The following PCDHA3 variants were observed in gnomAD, a reference collection of about 807,000 sequenced individuals.
The protein encoded by PCDHA3 is protocadherin alpha 3.
PCDHA3 carries 41 observed loss-of-function variants against 62.2 expected under a neutral mutation model. The observed-to-expected ratio is 0.66, with a 90% CI of 0.51 to 0.86. The LOEUF (loss-of-function observed/expected upper bound fraction) is 0.86. PCDHA3 is among the 40% of genes least tolerant of loss of function. The pLI is 0.00. For missense variants in PCDHA3, 1,304 were observed against 1,241.2 expected, an observed-to-expected ratio of 1.05 and a Z score of -0.76; for synonymous variants, 640 against 555.4, an observed-to-expected ratio of 1.15 and a Z score of -2.14.
At position 140,848,366 on chromosome 5, in the gene PCDHA3, G is replaced by A. The variant is rs2150409597; in HGVS notation, c.2394+44775G>A. ...TACAGCCCTTTTCCCATGGGAAAGA[G>A]GCTCAATTCTTTTTCACTCTCTCTG... On this transcript the variant is annotated intron_variant, in intron 1 of 3. Transcript: ENST00000522353. 4.6e-5 allele frequency: 50 copies of A among 1,096,168 alleles called. 2 individuals are homozygous for A. The highest frequency in any genetic ancestry group is 2.3e-5 in the Admixed American group (1 of 42,774). The allele number at this position is 1,096,168 out of a possible 1,614,324, so 67.9% of individuals were successfully genotyped here.
intron 1 of PCDHA3, chr5:140,807,246 T>G (rs1554123817): frequency 3.1e-6 from 5 of 1,614,008 alleles, no homozygotes; most frequent in Non-Finnish European, 4.2e-6. Flanking sequence ...TTACTTCTTC[T>G]CCTCGCAGCC....
chr5:140,900,534 T>C (rs1583392378), intron 1 of PCDHA3, among the ~76,000 whole-genome samples: 1 of 152,202 alleles, frequency 6.6e-6, no homozygotes, highest in Admixed American at 6.5e-5. Context: ...ACCTCGGCTT[T>C]CCAAAGTGCT....
chr5:140,851,414 T>G lies in PCDHA3; in HGVS notation c.2394+47823T>G, dbSNP rs1459113543. ...TCTATTATTTTAATAAGAAAGAAAC[T>G]TCCCCTAAACTTTAGAAAACAGTTG... On this transcript the variant is annotated intron_variant, in intron 1 of 3. Transcript: ENST00000522353. 11 of 961,418 alleles carry G rather than the reference T, an allele frequency of 1.1e-5. No individual in the cohort carries two copies. In the East Asian group the frequency reaches 1.2e-3, roughly 108 times the overall value. 59.6% of individuals were successfully genotyped at this position (961,418 alleles called of 1,614,324 possible). A position where few individuals can be genotyped will look rare whatever the true frequency, so the allele number is the denominator to read the frequency against.
At chr5:140,959,585 C>A (rs1363843588) in intron 1 of PCDHA3, among the ~76,000 whole-genome samples, 1 of 152,004 alleles carries the variant, frequency 6.6e-6, no homozygotes, top group Non-Finnish European at 1.5e-5. Context: ...TCAATTCTAT[C>A]AGCCAAGTAT....
At chr5:140,805,154 A>G (rs1290152732) in intron 1 of PCDHA3, 2 of 1,559,526 alleles carry the variant, frequency 1.3e-6, no homozygotes, top group South Asian at 1.2e-5. Context: ...TGGAATTTTC[A>G]CTTCACAGAT....
chr5:140,963,600 G>T (rs111244023), intron 1 of PCDHA3, among the ~76,000 whole-genome samples: 1 of 152,180 alleles, frequency 6.6e-6, no homozygotes, highest in Non-Finnish European at 1.5e-5. Context: ...AGTTCTAGAC[G>T]TAATTGGGAA....
At chr5:140,856,441 G>C in intron 1 of PCDHA3, 1 of 1,598,410 alleles carries the variant, frequency 6.3e-7, no homozygotes. Flanking sequence ...ACCCGCCCAG[G>C]TTCTCCGTAA....
chr5:141,003,445 G>A (rs2098125256), intron 3 of PCDHA3, among the ~76,000 whole-genome samples: 1 of 152,112 alleles, frequency 6.6e-6, no homozygotes, highest in African/African-American at 2.4e-5. Flanking sequence ...CCAAGTAGAT[G>A]AAATTACAGG....
intron 1 of PCDHA3, among the ~76,000 whole-genome samples, chr5:140,873,864 T>C (rs1275090016): frequency 6.6e-6 from 1 of 152,210 alleles, no homozygotes; most frequent in African/African-American, 2.4e-5. Context: ...TTTCACCATG[T>C]TGGCCAGGCT....
rs782807269 is a variant in PCDHA3, at chr5:140,803,462, G to A, written c.2265G>A (p.Gln755=). The A allele has an allele frequency of 2.0e-5, 32 of 1,614,132 alleles. No homozygotes were observed. Among genetic ancestry groups the A allele is most frequent in the Non-Finnish European group, 2.5e-5 (30 of 1,180,040 alleles). The change falls in exon 1 of 4, where the codon CAG becomes CAA. Residue 755 remains glutamine (Q), a synonymous_variant. Coordinates refer to ENST00000522353, the MANE Select transcript of PCDHA3 (RefSeq NM_018906.3). The part of the protein sequence containing the change: ...VGSWSYSQQR[Q]QRVCSGEGLP... ...GCTGGTCATACTCGCAGCAGAGGCA[G>A]CAGAGGGTGTGCTCTGGAGAGGGGT...
At chr5:140,975,610 C>T (rs1412581927) in intron 1 of PCDHA3, among the ~76,000 whole-genome samples, 5 of 152,160 alleles carry the variant, frequency 3.3e-5, no homozygotes, top group Non-Finnish European at 7.4e-5. Flanking sequence ...TGATGTCTTC[C>T]ACATGGATTT....
chr5:141,001,943 A>G (rs1197227753), intron 3 of PCDHA3, among the ~76,000 whole-genome samples: 1 of 147,256 alleles, frequency 6.8e-6, no homozygotes, highest in African/African-American at 2.7e-5. Flanking sequence ...GAGCGGAAAT[A>G]AGGAGGAGGG....
At chr5:140,900,559 G>A (rs542075943) in intron 1 of PCDHA3, among the ~76,000 whole-genome samples, 2 of 152,314 alleles carry the variant, frequency 1.3e-5, no homozygotes, top group African/African-American at 2.4e-5. Context: ...TTACAGGCGT[G>A]AGCCACGGCA....
intron 1 of PCDHA3, among the ~76,000 whole-genome samples, chr5:140,901,260 T>C (rs1554189701): frequency 6.6e-6 from 1 of 152,308 alleles, no homozygotes; most frequent in East Asian, 1.9e-4. Flanking sequence ...CCTGTGATTG[T>C]GGGGTATTAC....
intron 1 of PCDHA3, among the ~76,000 whole-genome samples, chr5:140,958,318 CA>C (rs2095417948): frequency 6.6e-6 from 1 of 151,816 alleles, no homozygotes; most frequent in Non-Finnish European, 1.5e-5. Flanking sequence ...AATTAGAGCT[CA>C]AAAAATAAAT....
chr5:140,947,194 G>A (rs2094102779), intron 1 of PCDHA3, among the ~76,000 whole-genome samples: 1 of 151,018 alleles, frequency 6.6e-6, no homozygotes, highest in Admixed American at 6.6e-5. Context: ...ATACTACACA[G>A]CCTTAAAAAA....
At chr5:140,884,550 G>C (rs781916237) in intron 1 of PCDHA3, 2 of 1,614,118 alleles carry the variant, frequency 1.2e-6, no homozygotes, top group Non-Finnish European at 1.7e-6. Flanking sequence ...GTGTGCTCTG[G>C]GGAGGGCCCG....
intron 1 of PCDHA3, among the ~76,000 whole-genome samples, chr5:140,820,664 A>C (rs2150107541): frequency 7.2e-5 from 11 of 152,100 alleles, no homozygotes; most frequent in Non-Finnish European, 1.6e-4. Flanking sequence ...TTAAACTAAT[A>C]TAAAGATAGC....
At chr5:140,902,914 G>A (rs560076660) in intron 1 of PCDHA3, among the ~76,000 whole-genome samples, 14 of 152,306 alleles carry the variant, frequency 9.2e-5, no homozygotes, top group African/African-American at 2.9e-4. Context: ...TGGCTGAGTA[G>A]TATTGCATGG....
Sources: allele counts gnomAD v4.1 joint callset (sites outside exome capture counted in the v4.1 genomes callset), GRCh38; gene constraint gnomAD v4.1.1; transcripts MANE v1.5; gene names NCBI Gene and HGNC (gene_info 2026-07-23, HGNC 2026-07-21).